Variants in CCDC169 observed in about 807,000 individuals in gnomAD.
CCDC169 encodes the protein coiled-coil domain-containing protein 169.
In CCDC169, 30 loss-of-function variants were observed where a neutral mutation model predicts 36.0. The ratio of observed to expected loss-of-function variants is 0.83; its 90% CI spans 0.62 to 1.13. The LOEUF (loss-of-function observed/expected upper bound fraction) is 1.13. CCDC169 is among the 50% of genes most tolerant of loss of function. The probability of loss-of-function intolerance (pLI) is 0.00; values close to 1 mark genes in which losing one functional copy is unlikely to be tolerated. For missense variants in CCDC169, 245 were observed against 245.9 expected, an observed-to-expected ratio of 1.00 and a Z score of 0.03; for synonymous variants, 85 against 81.5, an observed-to-expected ratio of 1.04 and a Z score of -0.23.
intron 6 of CCDC169, among the ~76,000 whole-genome samples, chr13:36,252,848 T>A: frequency 6.6e-6 from 1 of 152,204 alleles, no homozygotes; most frequent in South Asian, 2.1e-4. Flanking sequence ...TACATCCTAA[T>A]CTTAAAACAT....
intron 7 of CCDC169, among the ~76,000 whole-genome samples, chr13:36,239,428 A>C (rs1759030032): frequency 6.6e-6 from 1 of 152,160 alleles, no homozygotes; most frequent in South Asian, 2.1e-4. Flanking sequence ...ATGATTTTTA[A>C]ATAAATAATA....
chr13:36,297,535 G>A (rs574577662), intron 1 of CCDC169, 102 bp downstream of exon 1: 2 of 1,140,090 alleles, frequency 1.8e-6, no homozygotes, highest in South Asian at 1.3e-5. Flanking sequence ...TAATCACGGC[G>A]CCGGTCTTAC....
Position 36,283,492 on chromosome 13 carries a change from G to T in CCDC169, c.292C>A (p.Arg98Ser), listed in dbSNP as rs184516088. ...GNSSDRLSSI[R>S]VYERMPVESL... Reference sequence around the variant, plus strand: ...ACCACTGGCATTCGTTCATAGACACGAATAGAAGATAGTCTATCTACAATA... The same window carrying T: ...ACCACTGGCATTCGTTCATAGACACTAATAGAAGATAGTCTATCTACAATA... Residue 98 changes from arginine to serine, a missense_variant, in exon 4 of 8, where the codon CGT becomes AGT. Physicochemically the swap from Arg to Ser is moderately radical, Grantham distance 110 (BLOSUM62 -1). Coordinates refer to ENST00000239859, the MANE Select transcript of CCDC169 (RefSeq NM_001144981.3). 13 of 1,549,778 alleles carry T rather than the reference G, an allele frequency of 8.4e-6. No individual in the cohort carries two copies. Among genetic ancestry groups the T allele is most frequent in the Non-Finnish European group, 1.0e-5 (12 of 1,145,670 alleles).
At chr13:36,268,699 TAAAC>T (rs1180326767) in intron 4 of CCDC169, among the ~76,000 whole-genome samples, 1 of 151,552 alleles carries the variant, frequency 6.6e-6, no homozygotes, top group African/African-American at 2.4e-5. Context: ...TTTGAAAAAA[TAAAC>T]AAAATAGAAC....
At chr13:36,227,212 G>C (rs1476096830), downstream of CCDC169, 2 of 1,543,602 alleles carry the variant, frequency 1.3e-6, no homozygotes, top group Non-Finnish European at 8.8e-7. Context: ...TAGCTCTTCA[G>C]GTGAGTCTGA....
At position 36,256,455 on chromosome 13, in the gene CCDC169, C is replaced by G. The variant is rs139681807; in HGVS notation, c.316-2312G>C. On this transcript the variant is annotated intron_variant, in intron 4 of 7. Transcript: ENST00000239859. ...AAATGCCAGACACTTATAAAGCCAT[C>G]AGATCTTGTGAGAACTCACTATCAC... Among the ~76,000 whole-genome samples, 408 of 152,280 alleles carry G rather than the reference C, an allele frequency of 2.7e-3. 3 individuals carry two copies. The highest frequency in any genetic ancestry group is 0.01 in the Middle Eastern group (3 of 294).
At chr13:36,275,146 C>A (rs1210442768) in intron 4 of CCDC169, among the ~76,000 whole-genome samples, 3 of 151,764 alleles carry the variant, frequency 2.0e-5, no homozygotes, top group Admixed American at 6.6e-5. Context: ...GGATTACAGG[C>A]GTGAGCCACC....
intron 7 of CCDC169, among the ~76,000 whole-genome samples, chr13:36,238,771 T>A (rs1309487694): frequency 6.6e-6 from 1 of 152,132 alleles, no homozygotes; most frequent in Non-Finnish European, 1.5e-5. Context: ...GAAGCTGAGG[T>A]ACTTCACTGG....
chr13:36,258,133 T>A (rs1243204832), intron 4 of CCDC169, among the ~76,000 whole-genome samples: 1 of 152,162 alleles, frequency 6.6e-6, no homozygotes, highest in African/African-American at 2.4e-5. Context: ...GTGTTGGTGG[T>A]TTTGCTTTTG....
At chr13:36,273,312 A>T (rs12853386) in intron 4 of CCDC169, among the ~76,000 whole-genome samples, 38,759 of 152,116 alleles carry the variant, frequency 0.25, 5,225 homozygotes, top group East Asian at 0.49. Context: ...TACACCAATT[A>T]TACCCACAGT....
chr13:36,284,511 A>T (rs1325893545), intron 2 of CCDC169, among the ~76,000 whole-genome samples: 1 of 152,220 alleles, frequency 6.6e-6, no homozygotes, highest in African/African-American at 2.4e-5. Flanking sequence ...CCTAAGCTGA[A>T]GGAACAATGT....
intron 4 of CCDC169, among the ~76,000 whole-genome samples, chr13:36,266,540 G>A (rs1363251199): frequency 3.3e-5 from 5 of 152,134 alleles, no homozygotes; most frequent in African/African-American, 1.2e-4. Flanking sequence ...TGCCTCTGGA[G>A]CTCTGCAACT....
chr13:36,259,761 G>A (rs527374188), intron 4 of CCDC169, among the ~76,000 whole-genome samples: 15 of 152,234 alleles, frequency 9.9e-5, no homozygotes, highest in Non-Finnish European at 2.1e-4. Flanking sequence ...CGTGACCAAA[G>A]GTTGAAGTTT....
chr13:36,254,275 C>CTTTTT, intron 4 of CCDC169, 132 bp from the exon 5 acceptor site: 1 of 364,692 alleles, frequency 2.7e-6, no homozygotes, highest in Non-Finnish European at 4.6e-6. Flanking sequence ...ATGATATGTA[C>CTTTTT]TTTTTTTTTT....
chr13:36,240,866 C>T (rs926518146), intron 7 of CCDC169, among the ~76,000 whole-genome samples: 2 of 152,014 alleles, frequency 1.3e-5, no homozygotes, highest in African/African-American at 4.8e-5. Context: ...TGGCAACTTA[C>T]AAAACTTATA....
Position 36,294,739 on chromosome 13 carries a change from A to T in CCDC169, c.163+1039T>A, listed in dbSNP as rs766768816. 2.0e-4 allele frequency among the ~76,000 whole-genome samples: 31 copies of T among 152,078 alleles called. 1 individual carries two copies. On this transcript the variant is annotated intron_variant, in intron 2 of 7. Transcript: ENST00000239859. ...GGTTTAGAACTCTAAGGGGGTCTGC[A>T]TGAGAGGGTTGAGATTGATTGAGCA...
downstream of CCDC169, chr13:36,224,388 G>A (rs1869755088): frequency 6.6e-6 from 1 of 151,990 alleles, no homozygotes; most frequent in African/African-American, 2.4e-5. Flanking sequence ...AAACCCTACA[G>A]ACTCTGCCAA....
intron 7 of CCDC169, among the ~76,000 whole-genome samples, chr13:36,240,114 T>A (rs940498965): frequency 1.3e-5 from 2 of 152,122 alleles, no homozygotes; most frequent in Non-Finnish European, 2.9e-5. Flanking sequence ...TGTATCTCTC[T>A]TGGGTAAGAG....
intron 4 of CCDC169, among the ~76,000 whole-genome samples, chr13:36,276,396 G>A (rs139118354): frequency 0.014 from 2,092 of 152,152 alleles, 28 homozygotes; most frequent in Non-Finnish European, 0.021. Context: ...TTTGGATTTC[G>A]GCAAATTGGC....
Sources: gnomAD v4.1 joint callset for allele counts (sites outside exome capture counted in the v4.1 genomes callset) on GRCh38, gnomAD v4.1.1 for gene constraint, MANE v1.5 for transcripts, NCBI Gene and HGNC (gene_info 2026-07-23, HGNC 2026-07-21) for gene names.